The following ANO9 variants were observed in gnomAD, a reference collection of about 807,000 sequenced individuals.
The protein encoded by ANO9 is anoctamin 9.
In ANO9, 80 loss-of-function variants were observed where a neutral mutation model predicts 100.5. The observed-to-expected ratio is 0.80, with a 90% confidence interval of 0.66 to 0.96. The LOEUF is 0.96. Ranked by LOEUF, ANO9 falls within the 40% of genes least tolerant of loss-of-function variation. The pLI is 0.00. For missense variants in ANO9, 1,064 were observed against 1,072.7 expected (o/e 0.99, Z 0.11); for synonymous variants, 473 against 435.6 (o/e 1.09, Z -1.07).
In ANO9 at chr11:439,328, G is replaced by A. The variant is rs114247697; in HGVS notation, c.6+2593C>T. Among the ~76,000 whole-genome samples, 664 of 152,350 alleles carry A rather than the reference G, an allele frequency of 4.4e-3. 4 individuals carry two copies. Among genetic ancestry groups the A allele is most frequent in the African/African-American group, 0.015 (627 of 41,576 alleles). Reference sequence around the variant, plus strand: ...CTTCTGGAGACACTGTAGCCTGCAGGAGACCCTCCCTCCCAAGGGCTGGAG... The same window carrying A: ...CTTCTGGAGACACTGTAGCCTGCAGAAGACCCTCCCTCCCAAGGGCTGGAG... On this transcript the variant is annotated intron_variant, in intron 1 of 22. Transcript: ENST00000332826.
chr11:420,917 C>T lies in ANO9; in HGVS notation c.1490+28G>A, dbSNP rs763243631. On this transcript the variant is annotated intron_variant, in intron 17 of 22. Coordinates refer to ENST00000332826, the MANE Select transcript of ANO9 (RefSeq NM_001012302.3). ...CAGGGGGCGGAGGGGCCTGGGGCTCCCGGGGCTGGGCGGGGGTCGGCACTC... is the reference window on the plus strand; with the variant it reads ...CAGGGGGCGGAGGGGCCTGGGGCTCTCGGGGCTGGGCGGGGGTCGGCACTC... 8 of 1,597,924 alleles carry T rather than the reference C, an allele frequency of 5.0e-6. No individual in the cohort carries two copies. The African/African-American group carries it at 1.1e-4, about 21-fold the overall frequency.
intron 1 of ANO9, among the ~76,000 whole-genome samples, chr11:437,812 G>A (rs1845481242): frequency 6.6e-6 from 1 of 152,204 alleles, no homozygotes; most frequent in African/African-American, 2.4e-5. Context: ...CCCCTCACAT[G>A]CCTGGCTTCA....
At chr11:437,362 C>G (rs144979229) in intron 1 of ANO9, among the ~76,000 whole-genome samples, 1,760 of 152,284 alleles carry the variant, frequency 0.012, 34 homozygotes, top group African/African-American at 0.04. Context: ...CTCAGGTAGA[C>G]ACCATCTGAG....
At position 430,168 on chromosome 11, in the gene ANO9, C is replaced by G; in HGVS notation, c.686G>C (p.Cys229Ser). The G allele has an allele frequency of 6.4e-7, 1 of 1,552,250 alleles. No homozygotes were observed. Among genetic ancestry groups the G allele is most frequent in the Non-Finnish European group, 8.7e-7 (1 of 1,148,252 alleles). ...ACACATGAGGATGTCGTGGGCCTCA[C>G]AGATCTCCTTGCTGAAGGGGCAGGG... ...FEASQISKEI[C>S]EAHDILMCPL... The change falls in exon 9 of 23, where the codon TGT (cysteine) becomes TCT (serine). Residue 229 changes from cysteine to serine, a missense_variant. Coordinates refer to ENST00000332826, the MANE Select transcript of ANO9 (RefSeq NM_001012302.3).
chr11:434,484 G>A (rs539079979), intron 1 of ANO9, among the ~76,000 whole-genome samples: 3 of 152,292 alleles, frequency 2.0e-5, no homozygotes, highest in Admixed American at 6.5e-5. Flanking sequence ...AGCCACAGGC[G>A]CCCCTGCACA....
At position 432,457 on chromosome 11, in the gene ANO9, C is replaced by A. The variant is rs924729333; in HGVS notation, c.351-403G>T. On this transcript the variant is annotated intron_variant, in intron 4 of 22. Coordinates refer to ENST00000332826, the MANE Select transcript of ANO9 (RefSeq NM_001012302.3). The surrounding 1 kb of genome is among the most constrained non-coding windows in gnomAD (Gnocchi z 4.8). ...AGCTGTTCTGTTCCACTGTGCAGAG[C>A]AGAGACTGGGGCTCAGGAAAGGGAA... 1 of 198,928 alleles carries A rather than the reference C, an allele frequency of 5.0e-6. No homozygotes were observed. The highest frequency in any genetic ancestry group is 1.1e-4 in the South Asian group (1 of 9,238). 12.3% of individuals were successfully genotyped at this position (198,928 alleles called of 1,614,324 possible).
At position 421,182 on chromosome 11, in the gene ANO9, C is replaced by A. The variant is rs772273791; in HGVS notation, c.1351G>T (p.Gly451Trp). The A allele has an allele frequency of 1.9e-6, 3 of 1,555,372 alleles. No individual in the cohort carries two copies. The highest frequency in any genetic ancestry group is 2.6e-6 in the Non-Finnish European group (3 of 1,147,530). Residue 451 changes from glycine to tryptophan, a missense_variant, in exon 16 of 23, where the codon GGG becomes TGG. By Grantham distance (184) the Gly-to-Trp change is radical (BLOSUM62 -2). Coordinates refer to ENST00000332826, the MANE Select transcript of ANO9 (RefSeq NM_001012302.3). This position sits in a 1 kb window ranked among gnomAD's most constrained non-coding sequence, Gnocchi z 6.8. ...AAGCCCGCCAGGCGCGTGGACTTCCCGGGGTGGCCGTTGATCCTGGGGAGG... is the reference window on the plus strand; with the variant it reads ...AAGCCCGCCAGGCGCGTGGACTTCCAGGGGTGGCCGTTGATCCTGGGGAGG... ...FILGRINGHP[G>W]KSTRLAGLWK...
Position 420,938 on chromosome 11 carries a change from C to T in ANO9, c.1490+7G>A, listed in dbSNP as rs201371235. 204 of 1,602,376 alleles carry T rather than the reference C, an allele frequency of 1.3e-4. No homozygotes were observed. Among genetic ancestry groups the T allele is most frequent in the Non-Finnish European group, 1.6e-4 (190 of 1,173,606 alleles). On this transcript the variant is annotated splice_region_variant and intron_variant, in intron 17 of 22. Transcript: ENST00000332826. ...GCTCCCGGGGCTGGGCGGGGGTCGG[C>T]ACTCACGGGACCAGGTACTCGACGC...
Position 430,182 on chromosome 11 carries a change from G to A in ANO9, c.675-3C>T. 1 of 1,551,332 alleles carries A rather than the reference G, an allele frequency of 6.4e-7. No individual in the cohort carries two copies. The highest frequency in any genetic ancestry group is 8.7e-7 in the Non-Finnish European group (1 of 1,147,736). ...CGTGGGCCTCACAGATCTCCTTGCTGAAGGGGCAGGGATGAGGCTGGGGTC... is the reference window on the plus strand; with the variant it reads ...CGTGGGCCTCACAGATCTCCTTGCTAAAGGGGCAGGGATGAGGCTGGGGTC... On this transcript the variant is annotated splice_polypyrimidine_tract_variant and splice_region_variant and intron_variant, in intron 8 of 22. Coordinates refer to ENST00000332826, the MANE Select transcript of ANO9 (RefSeq NM_001012302.3).
intron 15 of ANO9, among the ~76,000 whole-genome samples, chr11:427,885 C>T (rs939882246): frequency 6.6e-6 from 1 of 150,552 alleles, no homozygotes; most frequent in African/African-American, 2.5e-5. Context: ...TGGGAGGCCA[C>T]CAGACTGTCT....
At chr11:428,250 G>T in intron 14 of ANO9, 51 bp from the exon 15 acceptor site, 1 of 1,607,020 alleles carries the variant, frequency 6.2e-7, no homozygotes, top group African/African-American at 1.3e-5. Context: ...GAGAGGCCCT[G>T]GGGCAGCAGG....
chr11:439,930 C>T (rs758624837), intron 1 of ANO9, among the ~76,000 whole-genome samples: 14 of 150,586 alleles, frequency 9.3e-5, no homozygotes, highest in Non-Finnish European at 1.3e-4. Flanking sequence ...TGCAGCCCTC[C>T]CAGGCAGTGC....
At chr11:429,255 C>A (rs1473164648) in intron 11 of ANO9, among the ~76,000 whole-genome samples, 2 of 132,150 alleles carry the variant, frequency 1.5e-5, no homozygotes, top group East Asian at 4.6e-4. Flanking sequence ...ACACACCTCA[C>A]GGGTGGACAG....
At chr11:435,881 A>G (rs1223767155) in intron 1 of ANO9, among the ~76,000 whole-genome samples, 2 of 150,260 alleles carry the variant, frequency 1.3e-5, no homozygotes, top group African/African-American at 4.9e-5. Context: ...ATAGTATAGC[A>G]TAATATGGTA....
In ANO9 at chr11:428,347, A is replaced by G; in HGVS notation, c.1222+11T>C. On this transcript the variant is annotated intron_variant, in intron 14 of 22. Transcript: ENST00000332826. The stretch of plus-strand genomic sequence containing the variant: ...CGGGTCCCCCAAGAGGGTCTGGGGT[A>G]GTCCTCTCACCGAAGTCACAAAGCT... 6.2e-7 allele frequency: 1 copy of G among 1,612,410 alleles called. No individual in the cohort carries two copies. Among genetic ancestry groups the G allele is most frequent in the Non-Finnish European group, 8.5e-7 (1 of 1,179,898 alleles).
In ANO9 at chr11:420,990, A is replaced by G; in HGVS notation, c.1445T>C (p.Met482Thr). The change falls in exon 17 of 23, where the codon ATG (methionine) becomes ACG (threonine). Residue 482 changes from methionine (M) to threonine (T), a missense_variant. Transcript: ENST00000332826. ...MDLFVQMAII[M>T]GLKQTLSNCV... is the part of the protein sequence containing the mutation. ...GTTGCTGAGCGTCTGCTTCAGGCCCATGATGATGGCCATCTGCACGAAGAG... is the reference window on the plus strand; with the variant it reads ...GTTGCTGAGCGTCTGCTTCAGGCCCGTGATGATGGCCATCTGCACGAAGAG... 1 of 1,607,212 alleles carries G rather than the reference A, an allele frequency of 6.2e-7. No homozygotes were observed. Among genetic ancestry groups the G allele is most frequent in the Non-Finnish European group, 8.5e-7 (1 of 1,175,816 alleles).
Position 432,442 on chromosome 11 carries a change from T to G in ANO9, c.351-388A>C. On this transcript the variant is annotated intron_variant, in intron 4 of 22. Transcript: ENST00000332826. This position sits in a 1 kb window ranked among gnomAD's most constrained non-coding sequence, Gnocchi z 4.8. ...CTCCTTATACCCTGGAGCTGTTCTG[T>G]TCCACTGTGCAGAGCAGAGACTGGG... is the stretch of plus-strand genomic sequence containing the variant. The G allele has an allele frequency of 3.9e-6, 1 of 254,048 alleles. No individual in the cohort carries two copies. The highest frequency in any genetic ancestry group is 7.7e-6 in the Non-Finnish European group (1 of 129,132). The allele number at this position is 254,048 out of a possible 1,614,324, so 15.7% of individuals were successfully genotyped here. A position where few individuals can be genotyped will look rare whatever the true frequency, so the allele number is the denominator to read the frequency against.
intron 9 of ANO9, 132 bp downstream of exon 9, chr11:429,951 G>T: frequency 7.9e-7 from 1 of 1,270,446 alleles, no homozygotes; most frequent in African/African-American, 1.5e-5. Context: ...GGCTGGGGCT[G>T]GGCCTCCCCG....
At chr11:420,433 C>G (rs1848102241) in intron 19 of ANO9, 30 bp downstream of exon 19, 3 of 1,595,316 alleles carry the variant, frequency 1.9e-6, no homozygotes, top group Non-Finnish European at 2.5e-6. Flanking sequence ...CCGCCCAGTT[C>G]CCGCCCATCC....
Sources: gnomAD v4.1 joint callset for allele counts (sites outside exome capture counted in the v4.1 genomes callset) on GRCh38, gnomAD v4.1.1 for gene constraint, Gnocchi (gnomAD v3.1) non-coding constraint, MANE v1.5 for transcripts, NCBI Gene and HGNC (gene_info 2026-07-23, HGNC 2026-07-21) for gene names.